Variants in C12orf42 observed in about 807,000 individuals in gnomAD.
C12orf42 encodes the protein uncharacterized protein C12orf42.
In C12orf42, 25 loss-of-function variants were observed where a neutral mutation model predicts 21.6. That is an observed-to-expected ratio of 1.16 (90% CI 0.84 to 1.62). C12orf42 has a LOEUF of 1.62. C12orf42 is among the 40% of genes most tolerant of loss of function. The probability of loss-of-function intolerance (pLI) is 0.00; values close to 1 mark genes in which losing one functional copy is unlikely to be tolerated. For missense variants in C12orf42, 483 were observed against 459.3 expected, an observed-to-expected ratio of 1.05 and a Z score of -0.47; for synonymous variants, 174 against 175.0, an observed-to-expected ratio of 0.99 and a Z score of 0.05.
At chr12:103,287,766 A>T (rs192695972) in intron 4 of C12orf42, among the ~76,000 whole-genome samples, 11 of 152,044 alleles carry the variant, frequency 7.2e-5, no homozygotes, top group Admixed American at 5.9e-4. Context: ...AAAATCAGAA[A>T]TTCTAAACCT....
At chr12:103,326,160 T>A (rs1717661495) in intron 4 of C12orf42, among the ~76,000 whole-genome samples, 1 of 152,200 alleles carries the variant, frequency 6.6e-6, no homozygotes. Context: ...TTGGCTAATG[T>A]CTTACTAATT....
intron 5 of C12orf42, among the ~76,000 whole-genome samples, chr12:103,272,571 A>T (rs1323076941): frequency 6.6e-6 from 1 of 152,130 alleles, no homozygotes; most frequent in Non-Finnish European, 1.5e-5. Context: ...AAGAAAGAAC[A>T]CCCTTATTTT....
At chr12:103,453,837 C>G (rs1052946309) in intron 2 of C12orf42, among the ~76,000 whole-genome samples, 1 of 152,104 alleles carries the variant, frequency 6.6e-6, no homozygotes, top group African/African-American at 2.4e-5. Flanking sequence ...AATGGCTTAT[C>G]TCTTAAACAT....
chr12:103,345,480 A>G (rs993074570), intron 4 of C12orf42, among the ~76,000 whole-genome samples: 3 of 152,184 alleles, frequency 2.0e-5, no homozygotes, highest in Non-Finnish European at 4.4e-5. Context: ...CACTTTTACC[A>G]TCACCACCTT....
At chr12:103,556,934 GA>G in the C12orf42 span, among the ~76,000 whole-genome samples, 2,899 of 122,582 alleles carry the variant, frequency 0.024, 84 homozygotes, top group African/African-American at 0.074. Flanking sequence ...TAGTTATGCA[GA>G]AAAAAAAAAA....
the C12orf42 span, among the ~76,000 whole-genome samples, chr12:103,196,959 G>A: frequency 6.6e-6 from 1 of 152,130 alleles, no homozygotes; most frequent in South Asian, 2.1e-4. Context: ...CTGTCATCAT[G>A]TTCTTAGCTG....
At chr12:103,183,360 G>T in the C12orf42 span, among the ~76,000 whole-genome samples, 1 of 152,216 alleles carries the variant, frequency 6.6e-6, no homozygotes, top group Admixed American at 6.5e-5. Flanking sequence ...GATTACAGGC[G>T]TGAGCCACCA....
chr12:103,425,631 A>T (rs1949740239), intron 2 of C12orf42, among the ~76,000 whole-genome samples: 1 of 152,216 alleles, frequency 6.6e-6, no homozygotes, highest in Non-Finnish European at 1.5e-5. Flanking sequence ...AACAGAAAGG[A>T]ATAGCATCAA....
chr12:103,312,585 T>C (rs1028318924), intron 4 of C12orf42, among the ~76,000 whole-genome samples: 2 of 152,226 alleles, frequency 1.3e-5, no homozygotes, highest in Non-Finnish European at 2.9e-5. Flanking sequence ...TCCTCCAGCT[T>C]CCTCAGGCTA....
downstream of C12orf42, among the ~76,000 whole-genome samples, chr12:103,263,735 C>A (rs768563864): frequency 1.3e-5 from 2 of 152,132 alleles, no homozygotes; most frequent in South Asian, 2.1e-4. Context: ...ATAATCTGGA[C>A]TCTCATATGT....
At chr12:103,352,460 G>A (rs1467152485) in intron 4 of C12orf42, among the ~76,000 whole-genome samples, 3 of 151,974 alleles carry the variant, frequency 2.0e-5, no homozygotes, top group Non-Finnish European at 4.4e-5. Context: ...ATTTTCAGTT[G>A]CTCCCTCTAT....
the C12orf42 span, among the ~76,000 whole-genome samples, chr12:103,197,143 G>A: frequency 6.6e-6 from 1 of 152,126 alleles, no homozygotes; most frequent in Non-Finnish European, 1.5e-5. Context: ...TTGCTTGTCT[G>A]AAAAAGATTT....
At chr12:103,224,628 A>G in the C12orf42 span, among the ~76,000 whole-genome samples, 1 of 152,224 alleles carries the variant, frequency 6.6e-6, no homozygotes, top group African/African-American at 2.4e-5. Context: ...CAGCTGAAGG[A>G]GCCGGGGAGC....
chr12:103,463,077 G>T (rs1336368645), intron 2 of C12orf42, among the ~76,000 whole-genome samples: 1 of 152,140 alleles, frequency 6.6e-6, no homozygotes, highest in Admixed American at 6.5e-5. Context: ...TATATAATGG[G>T]ATCGCTCTTA....
At chr12:103,407,435 G>A (rs181153333) in intron 2 of C12orf42, among the ~76,000 whole-genome samples, 2 of 152,136 alleles carry the variant, frequency 1.3e-5, no homozygotes, top group Non-Finnish European at 2.9e-5. Context: ...TTCTTCCTCA[G>A]CATACTCAAT....
At chr12:103,160,974 A>G in the C12orf42 span, among the ~76,000 whole-genome samples, 2 of 152,184 alleles carry the variant, frequency 1.3e-5, no homozygotes, top group Non-Finnish European at 2.9e-5. Context: ...ACCCTTATTG[A>G]GCTATTTTGA....
At chr12:103,062,696 G>T in the C12orf42 span, among the ~76,000 whole-genome samples, 82,237 of 152,038 alleles carry the variant, frequency 0.54, 22,698 homozygotes, top group East Asian at 0.77. Flanking sequence ...TTCAGCAATT[G>T]TAGTGTTTTG....
the C12orf42 span, among the ~76,000 whole-genome samples, chr12:103,213,326 T>C: frequency 1.3e-5 from 2 of 152,190 alleles, no homozygotes; most frequent in South Asian, 2.1e-4. Context: ...TTGGAACTTA[T>C]GGTGTCTAAC....
At chr12:103,064,442 C>T in the C12orf42 span, among the ~76,000 whole-genome samples, 1 of 152,166 alleles carries the variant, frequency 6.6e-6, no homozygotes, top group Non-Finnish European at 1.5e-5. Flanking sequence ...ACTAATTAAT[C>T]ACAGTTTTCC....
Sources: gnomAD v4.1 joint callset for allele counts (sites outside exome capture counted in the v4.1 genomes callset) on GRCh38, gnomAD v4.1.1 for gene constraint, MANE v1.5 for transcripts, NCBI Gene and HGNC (gene_info 2026-07-23, HGNC 2026-07-21) for gene names.